Variants in STK3 observed in about 807,000 individuals in gnomAD.
STK3 encodes serine/threonine kinase 3, also known as serine/threonine-protein kinase 3.
STK3 carries 41 observed loss-of-function variants against 58.0 expected under a neutral mutation model. The ratio of observed to expected loss-of-function variants is 0.71; its 90% CI spans 0.55 to 0.92. STK3 has a LOEUF of 0.92. Among genes scored for constraint, STK3 ranks in the 40% least tolerant of loss-of-function variants. The probability of loss-of-function intolerance (pLI) is 0.00; values close to 1 mark genes in which losing one functional copy is unlikely to be tolerated. For synonymous variants in STK3, 170 were observed against 191.0 expected (o/e 0.89, Z 0.91); for missense variants, 479 against 602.7 (o/e 0.79, Z 2.15).
intron 7 of STK3, among the ~76,000 whole-genome samples, chr8:98,589,678 C>T (rs971725856): frequency 3.9e-5 from 6 of 152,220 alleles, no homozygotes; most frequent in South Asian, 2.1e-4. Flanking sequence ...TGGGCAATGG[C>T]GGGCGCCCCT....
downstream of STK3, among the ~76,000 whole-genome samples, chr8:98,369,566 A>G (rs1349601916): frequency 6.6e-6 from 1 of 152,156 alleles, no homozygotes; most frequent in Non-Finnish European, 1.5e-5. Context: ...GATTCCAGAA[A>G]ATAAGTTTCA....
chr8:98,710,128 C>CA (rs569489472), intron 4 of STK3, among the ~76,000 whole-genome samples: 52 of 151,576 alleles, frequency 3.4e-4, no homozygotes, highest in African/African-American at 1.1e-3. Context: ...AAAGATTCCA[C>CA]AAAAAAAACC....
chr8:98,665,660 G>A (rs1474004439), intron 6 of STK3, among the ~76,000 whole-genome samples: 1 of 151,204 alleles, frequency 6.6e-6, no homozygotes, highest in East Asian at 1.9e-4. Context: ...CTCCCAAAGT[G>A]CTGTGATTAC....
At chr8:98,849,494 A>G (rs1223712788) in intron 3 of STK3, among the ~76,000 whole-genome samples, 1 of 152,150 alleles carries the variant, frequency 6.6e-6, no homozygotes, top group Non-Finnish European at 1.5e-5. Flanking sequence ...TCTAGTTACC[A>G]ATATTTATCT....
intron 10 of STK3, among the ~76,000 whole-genome samples, chr8:98,466,850 G>A (rs1167052237): frequency 6.6e-6 from 1 of 152,038 alleles, no homozygotes; most frequent in Non-Finnish European, 1.5e-5. Flanking sequence ...TATGACTTCT[G>A]ACCTCCTCTT....
intron 10 of STK3, among the ~76,000 whole-genome samples, chr8:98,478,560 G>A (rs1206015498): frequency 6.6e-6 from 1 of 152,100 alleles, no homozygotes; most frequent in Non-Finnish European, 1.5e-5. Context: ...ATTTGCAGAG[G>A]GACTTCAGAT....
chr8:98,382,930 C>T (rs1285044657), intron 1 of STK3, among the ~76,000 whole-genome samples: 3 of 152,152 alleles, frequency 2.0e-5, no homozygotes, highest in South Asian at 2.1e-4. Context: ...GCAGCTGGGC[C>T]GCCTGCCTCC....
intron 3 of STK3, among the ~76,000 whole-genome samples, chr8:98,852,297 C>A (rs1019872764): frequency 1.3e-5 from 2 of 152,046 alleles, no homozygotes; most frequent in African/African-American, 4.8e-5. Context: ...CCATGCCTGG[C>A]TAATTTTTGC....
intron 6 of STK3, among the ~76,000 whole-genome samples, chr8:98,649,549 C>T: frequency 6.6e-6 from 1 of 152,144 alleles, no homozygotes; most frequent in Non-Finnish European, 1.5e-5. Flanking sequence ...ATTCCAAATG[C>T]ATGATTATCA....
At chr8:98,693,746 A>G (rs2130965124) in intron 6 of STK3, among the ~76,000 whole-genome samples, 1 of 152,316 alleles carries the variant, frequency 6.6e-6, no homozygotes, top group Non-Finnish European at 1.5e-5. Flanking sequence ...CCTACACAGC[A>G]GGGACTGGGA....
intron 3 of STK3, among the ~76,000 whole-genome samples, chr8:98,836,828 C>G (rs747006036): frequency 2.6e-5 from 4 of 152,126 alleles, no homozygotes; most frequent in Non-Finnish European, 5.9e-5. Context: ...TACCATTTTA[C>G]ACTTTTAAAA....
intron 3 of STK3, among the ~76,000 whole-genome samples, chr8:98,759,272 G>A (rs528503959): frequency 6.6e-5 from 10 of 152,146 alleles, no homozygotes; most frequent in East Asian, 3.9e-4. Flanking sequence ...GAACCCTTAC[G>A]GACCATTGTA....
At chr8:98,559,561 GT>G (rs1315650255) in intron 8 of STK3, among the ~76,000 whole-genome samples, 1 of 152,116 alleles carries the variant, frequency 6.6e-6, no homozygotes, top group Non-Finnish European at 1.5e-5. Flanking sequence ...TATGCTCATG[GT>G]TTAACTACCA....
At chr8:98,660,330 C>T (rs1228995638) in intron 6 of STK3, among the ~76,000 whole-genome samples, 3 of 151,898 alleles carry the variant, frequency 2.0e-5, no homozygotes, top group Non-Finnish European at 4.4e-5. Context: ...ATGAAAAAAT[C>T]CTGCAGATCT....
At chr8:98,413,878 G>A (rs538274543) in intron 3 of STK3, 108 of 486,884 alleles carry the variant, frequency 2.2e-4, no homozygotes, top group Non-Finnish European at 2.9e-4. Flanking sequence ...GGGAGTTTTC[G>A]TAGGCATCCT....
At chr8:98,861,760 A>G (rs1460769088) in intron 3 of STK3, among the ~76,000 whole-genome samples, 1 of 152,178 alleles carries the variant, frequency 6.6e-6, no homozygotes, top group East Asian at 1.9e-4. Context: ...ACAAGGCAAG[A>G]GATAGTAATG....
At chr8:98,673,711 C>T (rs1822991631) in intron 6 of STK3, among the ~76,000 whole-genome samples, 1 of 151,946 alleles carries the variant, frequency 6.6e-6, no homozygotes, top group Non-Finnish European at 1.5e-5. Context: ...GTTCTGAAGG[C>T]CACTGAACTG....
chr8:98,404,024 C>T (rs543248670), intron 3 of STK3, among the ~76,000 whole-genome samples: 3 of 152,236 alleles, frequency 2.0e-5, no homozygotes, highest in Admixed American at 2.0e-4. Context: ...CAAACCCCCA[C>T]AAATGCATAA....
At chr8:98,893,532 GAAAGAA>G (rs1564087580) in intron 1 of STK3, among the ~76,000 whole-genome samples, 6 of 127,382 alleles carry the variant, frequency 4.7e-5, no homozygotes, top group South Asian at 2.6e-4. Flanking sequence ...AAGAAAGAAA[GAAAGAA>G]AAAGAAAGAG....
Sources: gnomAD v4.1 joint callset for allele counts (sites outside exome capture counted in the v4.1 genomes callset) on GRCh38, gnomAD v4.1.1 for gene constraint, MANE v1.5 for transcripts, NCBI Gene and HGNC (gene_info 2026-07-23, HGNC 2026-07-21) for gene names.